TOM1: variants seen among roughly 807,000 people sequenced by gnomAD.
TOM1 encodes the protein target of myb1 membrane trafficking protein, also known as target of Myb protein 1.
Under a neutral mutation model 61.3 loss-of-function variants are expected in TOM1, and 38 were observed. The observed-to-expected ratio is 0.62, with a 90% CI of 0.48 to 0.81. TOM1 has a LOEUF of 0.81. TOM1 is among the 40% of genes least tolerant of loss of function. The pLI is 0.00. For missense variants in TOM1, 591 were observed against 659.6 expected (o/e 0.90, Z 1.14); for synonymous variants, 270 against 268.8 (o/e 1.00, Z -0.04).
intron 11 of TOM1, among the ~76,000 whole-genome samples, chr22:35,338,103 C>A (rs1011659763): frequency 6.6e-6 from 1 of 152,200 alleles, no homozygotes; most frequent in Non-Finnish European, 1.5e-5. Context: ...AGCCCATCAG[C>A]CTTGCGTGCC....
chr22:35,337,467 C>T (rs1353619809), intron 11 of TOM1, among the ~76,000 whole-genome samples: 1 of 152,254 alleles, frequency 6.6e-6, no homozygotes, highest in Non-Finnish European at 1.5e-5. Flanking sequence ...CACTGGCCCA[C>T]TTGCCATGGA....
rs202150969 is a variant in TOM1, at chr22:35,327,358, G to A, written c.736G>A (p.Ala246Thr). The stretch of plus-strand genomic sequence containing the variant: ...GCTGACGGAGCTGGTGCCCACCCAG[G>A]CCGAGCCCGCAGACCTGGAGCTGCT... ...EMLTELVPTQ[A>T]EPADLELLQE... is the part of the protein sequence containing the mutation. The change falls in exon 7 of 15, where the codon GCC becomes ACC. Residue 246 changes from alanine to threonine, a missense_variant. Transcript: ENST00000449058. 9 of 1,613,520 alleles carry A rather than the reference G, an allele frequency of 5.6e-6. No homozygotes were observed. Among genetic ancestry groups the A allele is most frequent in the Non-Finnish European group, 7.6e-6 (9 of 1,180,002 alleles).
rs766975330 is a variant in TOM1, at chr22:35,334,467, C to T, written c.1148+19C>T. 5 of 1,613,216 alleles carry T rather than the reference C, an allele frequency of 3.1e-6. No individual in the cohort carries two copies. The South Asian group carries it at 3.3e-5, about 11-fold the overall frequency. ...GGAAAGAGTGAGTGGCCTGGCCCTG[C>T]CCTGGTCCCCTGCAGTTCGGGTGGC... On this transcript the variant is annotated intron_variant, in intron 11 of 14. Coordinates refer to ENST00000449058, the MANE Select transcript of TOM1 (RefSeq NM_005488.3).
At chr22:35,333,280 A>C in intron 9 of TOM1, 124 bp from the exon 10 acceptor site, 1 of 920,308 alleles carries the variant, frequency 1.1e-6, no homozygotes, top group African/African-American at 1.6e-5. Context: ...CCTGATGCCC[A>C]GTCCTAGCTC....
chr22:35,331,910 G>A (rs1006385277), intron 8 of TOM1, among the ~76,000 whole-genome samples: 11 of 152,054 alleles, frequency 7.2e-5, no homozygotes, highest in African/African-American at 2.7e-4. Flanking sequence ...GAAAGAGAAG[G>A]AGAAGGATTG....
intron 1 of TOM1, among the ~76,000 whole-genome samples, chr22:35,313,923 C>T (rs1927059460): frequency 6.6e-6 from 1 of 152,250 alleles, no homozygotes; most frequent in Non-Finnish European, 1.5e-5. Context: ...TTGAAGGTTA[C>T]AGCTCCGAGG....
chr22:35,330,807 TC>T (rs1928776375), intron 8 of TOM1, among the ~76,000 whole-genome samples: 1 of 152,200 alleles, frequency 6.6e-6, no homozygotes, highest in South Asian at 2.1e-4. Flanking sequence ...CTCCACCACT[TC>T]CTGGTTCTGG....
At position 35,345,672 on chromosome 22, in the gene TOM1, G is replaced by A. The variant is rs551186214; in HGVS notation, c.1225-53G>A. 139 of 1,589,460 alleles carry A rather than the reference G, an allele frequency of 8.7e-5. 2 individuals carry two copies. The highest frequency in any genetic ancestry group is 6.3e-4 in the South Asian group (57 of 90,590). The stretch of plus-strand genomic sequence containing the variant: ...CAGCTGCAGGGTGCTGAGCTGGCAC[G>A]TCTTCCACCTTGTCACCTAGGGCAC... On this transcript the variant is annotated intron_variant, in intron 12 of 14. Transcript: ENST00000449058.
intron 1 of TOM1, among the ~76,000 whole-genome samples, chr22:35,303,314 C>T (rs1926018287): frequency 6.6e-6 from 1 of 151,992 alleles, no homozygotes; most frequent in African/African-American, 2.4e-5. Flanking sequence ...GATCCTCAGG[C>T]CCCCTTGCCC....
In TOM1 at chr22:35,323,939, G is replaced by A. The variant is rs758717719; in HGVS notation, c.648+25G>A. 1.9e-5 allele frequency: 29 copies of A among 1,529,296 alleles called. No individual in the cohort carries two copies. Among genetic ancestry groups the A allele is most frequent in the Non-Finnish European group, 2.4e-5 (27 of 1,135,984 alleles). 94.7% of individuals were successfully genotyped at this position (1,529,296 alleles called of 1,614,324 possible). A position where few individuals can be genotyped will look rare whatever the true frequency, so the allele number is the denominator to read the frequency against. ...GGTAAACGAGCCTGGGGTCAGAACC[G>A]TCAGGTCCAGGCAGGTGGGCCACAC... On this transcript the variant is annotated intron_variant, in intron 6 of 14. Coordinates refer to ENST00000449058, the MANE Select transcript of TOM1 (RefSeq NM_005488.3). The surrounding 1 kb of genome is among the most constrained non-coding windows in gnomAD (Gnocchi z 4.2).
In TOM1 at chr22:35,299,903, G is replaced by A. The variant is rs969229519; in HGVS notation, c.-26G>A. On this transcript the variant is annotated 5_prime_UTR_variant, in exon 1 of 15. Coordinates refer to ENST00000449058, the MANE Select transcript of TOM1 (RefSeq NM_005488.3). ...GCGGTTGCTGTCAGCTGATTCCCGG[G>A]GTTGGTGGCAGCGGCGGTAGCAGCA... 6.3e-7 allele frequency: 1 copy of A among 1,575,642 alleles called. No homozygotes were observed. Among genetic ancestry groups the A allele is most frequent in the Non-Finnish European group, 8.6e-7 (1 of 1,159,114 alleles).
chr22:35,320,893 G>A (rs913758455), intron 2 of TOM1, among the ~76,000 whole-genome samples: 3 of 149,764 alleles, frequency 2.0e-5, no homozygotes, highest in Non-Finnish European at 4.4e-5. Flanking sequence ...GAGGCAGGAG[G>A]ATCACTTGAG....
intron 1 of TOM1, among the ~76,000 whole-genome samples, chr22:35,313,262 G>A (rs933563165): frequency 3.3e-5 from 5 of 151,762 alleles, no homozygotes; most frequent in East Asian, 1.9e-4. Flanking sequence ...CAGGAGAATC[G>A]CTTAAACCCG....
chr22:35,299,966 T>C lies in TOM1; in HGVS notation c.38T>C (p.Val13Ala), dbSNP rs762839850. 1 of 1,579,396 alleles carries C rather than the reference T, an allele frequency of 6.3e-7. No individual in the cohort carries two copies. Among genetic ancestry groups the C allele is most frequent in the Non-Finnish European group, 8.6e-7 (1 of 1,161,270 alleles). Residue 13 changes from valine to alanine, a missense_variant, in exon 1 of 15, where the codon GTG becomes GCG. Physicochemically the swap from Val to Ala is moderately conservative, Grantham distance 64 (BLOSUM62 0). Transcript: ENST00000449058. ...FLLGNPFSSP[V>A]GQRIEKATDG... ...CTGGGGAACCCGTTCAGCTCTCCAG[T>C]GGGACAGCGCATCGGTGAGTCCCTG... is the stretch of plus-strand genomic sequence containing the variant.
intron 3 of TOM1, chr22:35,322,375 G>A (rs1413133554): frequency 3.3e-6 from 1 of 299,562 alleles, no homozygotes; most frequent in Non-Finnish European, 6.3e-6. Flanking sequence ...ACTGAGTTGG[G>A]TGCTGCTCGG....
At chr22:35,325,427 A>G (rs894466329) in intron 6 of TOM1, among the ~76,000 whole-genome samples, 1 of 152,218 alleles carries the variant, frequency 6.6e-6, no homozygotes, top group African/African-American at 2.4e-5. Context: ...TTATTAACGC[A>G]CTGCCCGTTT....
rs1000197920 is a variant in TOM1, at chr22:35,346,803, G to A, written c.1285-127G>A. 24 of 857,114 alleles carry A rather than the reference G, an allele frequency of 2.8e-5. No homozygotes were observed. The East Asian group carries it at 5.0e-4, about 18-fold the overall frequency. 53.1% of individuals were successfully genotyped at this position (857,114 alleles called of 1,614,324 possible). On this transcript the variant is annotated intron_variant, in intron 13 of 14. Coordinates refer to ENST00000449058, the MANE Select transcript of TOM1 (RefSeq NM_005488.3). Reference sequence around the variant, plus strand: ...AGGTCCTGGGACCTGGGTGGTGGGGGCGTGCAGAGCCTGAGCTGGGACCCA... The same window carrying A: ...AGGTCCTGGGACCTGGGTGGTGGGGACGTGCAGAGCCTGAGCTGGGACCCA...
At position 35,323,876 on chromosome 22, in the gene TOM1, C is replaced by T. The variant is rs151314362; in HGVS notation, c.610C>T (p.Leu204Phe). The change falls in exon 6 of 15, where the codon CTC (leucine) becomes TTC (phenylalanine). Residue 204 changes from leucine (L) to phenylalanine (F), a missense_variant. Physicochemically the swap from Leu to Phe is conservative, Grantham distance 22. Transcript: ENST00000449058. The surrounding 1 kb of genome is among the most constrained non-coding windows in gnomAD (Gnocchi z 4.2). ...HAAPLPAPPI[L>F]SGDTPIAPTP... The stretch of plus-strand genomic sequence containing the variant: ...TGCCCCTCTGCCCGCCCCGCCCATA[C>T]TCTCCGGTGACACGCCCATAGCACC... 5.0e-6 allele frequency: 8 copies of T among 1,602,676 alleles called. No individual in the cohort carries two copies. In the South Asian group the frequency reaches 7.9e-5, roughly 16 times the overall value.
In TOM1 at chr22:35,334,993, C is replaced by T. The variant is rs146851130; in HGVS notation, c.1148+545C>T. Among the ~76,000 whole-genome samples, 62 of 152,268 alleles carry T rather than the reference C, an allele frequency of 4.1e-4. No individual in the cohort carries two copies. The East Asian group carries it at 0.012, about 28-fold the overall frequency. On this transcript the variant is annotated intron_variant, in intron 11 of 14. Coordinates refer to ENST00000449058, the MANE Select transcript of TOM1 (RefSeq NM_005488.3). ...TTAAGCAGGTTCTGTCAGCCTTGCCCCAGAGCTGGGGCTCTGCCCTTCCCT... is the reference window on the plus strand; with the variant it reads ...TTAAGCAGGTTCTGTCAGCCTTGCCTCAGAGCTGGGGCTCTGCCCTTCCCT...
Sources: allele counts gnomAD v4.1 joint callset (sites outside exome capture counted in the v4.1 genomes callset), GRCh38; gene constraint gnomAD v4.1.1; non-coding constraint Gnocchi (gnomAD v3.1); transcripts MANE v1.5; gene names NCBI Gene and HGNC (gene_info 2026-07-23, HGNC 2026-07-21).